Variants in GREB1 observed in about 807,000 individuals in gnomAD.
GREB1 encodes the protein protein GREB1.
GREB1 carries 106 observed loss-of-function variants against 200.7 expected under a neutral mutation model. The ratio of observed to expected loss-of-function variants is 0.53; its 90% CI spans 0.45 to 0.62. The LOEUF (loss-of-function observed/expected upper bound fraction) is 0.62. Among genes scored for constraint, GREB1 ranks in the 20% least tolerant of loss-of-function variants. GREB1 has a pLI of 0.00. For missense variants in GREB1, 2,243 were observed against 2,556.8 expected, an observed-to-expected ratio of 0.88 and a Z score of 2.65; for synonymous variants, 1,132 against 1,092.4, an observed-to-expected ratio of 1.04 and a Z score of -0.72.
chr2:11,542,235 T>C (rs1038384458), intron 1 of GREB1, among the ~76,000 whole-genome samples: 14 of 152,150 alleles, frequency 9.2e-5, no homozygotes, highest in African/African-American at 2.9e-4. Flanking sequence ...GGAAAGTTCT[T>C]TGCTTCTCAC....
At position 11,500,220 on chromosome 2, in the gene GREB1, G is replaced by GGT. The variant is rs545324528; in HGVS notation, c.-159+17843_-159+17844dup. 8.7e-4 allele frequency among the ~76,000 whole-genome samples: 133 copies of GGT among 152,308 alleles called. 1 individual carries two copies. The highest frequency in any genetic ancestry group is 3.1e-3 in the African/African-American group (127 of 41,566). On this transcript the variant is annotated intron_variant, in intron 1 of 2. Coordinates refer to the GREB1 transcript ENST00000628795. ...GCTGTTGCCCAGGCTGGAGTGCAGT[G>GGT]GTGTGATCTCGGCTTACCGCAACCT...
rs959270825 is a variant in GREB1 at position 11,562,737 on chromosome 2, G to A, written c.277+155G>A. The A allele has an allele frequency of 2.4e-5, 20 of 838,492 alleles. No homozygotes were observed. In the South Asian group the frequency reaches 2.8e-4, roughly 12 times the overall value. 51.9% of individuals were successfully genotyped at this position (838,492 alleles called of 1,614,324 possible). ...AGGTGTGAGCCATGCCCCTGGGCCC[G>A]CAGCAGGTGCTGGCCCGGCCTGCCC... On this transcript the variant is annotated intron_variant, in intron 3 of 32. Coordinates refer to ENST00000381486, the MANE Select transcript of GREB1 (RefSeq NM_014668.4).
At chr2:11,496,371 A>C (rs1355198339) in intron 1 of GREB1, among the ~76,000 whole-genome samples, 1 of 152,218 alleles carries the variant, frequency 6.6e-6, no homozygotes. Flanking sequence ...GGTCATTTAC[A>C]TGAGTGAAAA....
At position 11,615,200 on chromosome 2, in the gene GREB1, T is replaced by C; in HGVS notation, c.3232T>C (p.Leu1078=). Residue 1078 remains leucine, a synonymous_variant, in exon 20 of 33, where the codon TTG becomes CTG. Coordinates refer to ENST00000381486, the MANE Select transcript of GREB1 (RefSeq NM_014668.4). ...CTACTTTGTGAGCAACGAGGTTCCC[T>C]TGGAGAAGGGGGCTAGGAACGAGGC... ...AAYFVSNEVP[L]EKGARNEALE... 1.4e-5 allele frequency: 22 copies of C among 1,614,062 alleles called. No homozygotes were observed. The highest frequency in any genetic ancestry group is 1.9e-5 in the Non-Finnish European group (22 of 1,179,984).
At chr2:11,490,943 C>T (rs1196796255) in intron 1 of GREB1, among the ~76,000 whole-genome samples, 1 of 152,170 alleles carries the variant, frequency 6.6e-6, no homozygotes, top group African/African-American at 2.4e-5. Context: ...GAGGAACTGC[C>T]AAGCTGATTT....
chr2:11,547,299 G>T (rs1165663294), intron 1 of GREB1, among the ~76,000 whole-genome samples: 2 of 152,212 alleles, frequency 1.3e-5, no homozygotes, highest in African/African-American at 4.8e-5. Flanking sequence ...TTGGAGATCG[G>T]CTTTTAATTC....
intron 1 of GREB1, among the ~76,000 whole-genome samples, chr2:11,553,643 G>A (rs1676150018): frequency 6.6e-6 from 1 of 151,836 alleles, no homozygotes; most frequent in Admixed American, 6.6e-5. Context: ...TATAAAATGG[G>A]CTTCATCATA....
chr2:11,588,253 C>G, intron 9 of GREB1: 14 of 1,019,442 alleles, frequency 1.4e-5, no homozygotes, highest in Non-Finnish European at 1.7e-5. Context: ...ATGACTCAGT[C>G]TTCTGGTCTC....
At position 11,633,006 on chromosome 2, in the gene GREB1, A is replaced by G; in HGVS notation, c.4934A>G (p.Asp1645Gly). ...ATCTGGCCTTTCATTGTGATCTCTGATGACTCCTGCGTGATGTGGAACGTG... is the reference window on the plus strand; with the variant it reads ...ATCTGGCCTTTCATTGTGATCTCTGGTGACTCCTGCGTGATGTGGAACGTG... Reference protein sequence around the residue: ...QDIWPFIVISDDSCVMWNVVD... With the variant: ...QDIWPFIVISGDSCVMWNVVD... Residue 1645 changes from aspartate to glycine, a missense_variant, in exon 28 of 33, where the codon GAT becomes GGT. Physicochemically the swap from Asp to Gly is moderately conservative, Grantham distance 94 (BLOSUM62 -1). This residue lies in a region of GREB1 where 478 missense variants were observed against 616.3 expected (regional missense o/e 0.78). Transcript: ENST00000381486. The surrounding 1 kb of genome is among the most constrained non-coding windows in gnomAD (Gnocchi z 4.1). 5.6e-6 allele frequency: 9 copies of G among 1,614,184 alleles called. No individual in the cohort carries two copies. Among genetic ancestry groups the G allele is most frequent in the Non-Finnish European group, 4.2e-6 (5 of 1,180,024 alleles).
At chr2:11,549,651 AG>A (rs1675618907) in intron 1 of GREB1, among the ~76,000 whole-genome samples, 1 of 152,146 alleles carries the variant, frequency 6.6e-6, no homozygotes, top group African/African-American at 2.4e-5. Context: ...CTTCTAGTAA[AG>A]TTTAAATTTC....
At chr2:11,495,212 GCTGT>G (rs1223464235) in intron 1 of GREB1, among the ~76,000 whole-genome samples, 3 of 152,198 alleles carry the variant, frequency 2.0e-5, no homozygotes, top group African/African-American at 7.2e-5. Context: ...ACCACCAGCT[GCTGT>G]CATTCACTAA....
chr2:11,501,895 G>GTTTTTTTTTTGTTT (rs148843809), intron 1 of GREB1, among the ~76,000 whole-genome samples: 1 of 45,560 alleles, frequency 2.2e-5, no homozygotes, highest in Non-Finnish European at 3.8e-5. Context: ...TGGATTTCCT[G>GTTTTTTTTTTGTTT]TTTTTTTTTG....
At chr2:11,533,151 G>A (rs998115633), upstream of GREB1, among the ~76,000 whole-genome samples, 2 of 152,202 alleles carry the variant, frequency 1.3e-5, no homozygotes, top group Non-Finnish European at 2.9e-5. Flanking sequence ...AAGAGGTTTT[G>A]CACATCCCAA....
chr2:11,628,742 G>A (rs1246235323), intron 25 of GREB1, among the ~76,000 whole-genome samples: 1 of 152,162 alleles, frequency 6.6e-6, no homozygotes, highest in African/African-American at 2.4e-5. Context: ...AGTGTCAGGA[G>A]TGGGTAGTGC....
At chr2:11,522,048 T>C (rs80126221) in intron 1 of GREB1, among the ~76,000 whole-genome samples, 9,779 of 152,248 alleles carry the variant, frequency 0.064, 1,076 homozygotes, top group African/African-American at 0.22. Context: ...TTGTGCCTGG[T>C]AGACGAAGAG....
intron 1 of GREB1, among the ~76,000 whole-genome samples, chr2:11,549,362 C>T (rs1014306133): frequency 3.9e-5 from 6 of 152,008 alleles, no homozygotes; most frequent in Non-Finnish European, 7.4e-5. Context: ...TCCTCGGTAA[C>T]GTCTCAGTTG....
chr2:11,612,793 G>A (rs3816096), intron 19 of GREB1, among the ~76,000 whole-genome samples, 183 bp downstream of exon 19: 90,701 of 152,138 alleles, frequency 0.6, 30,447 homozygotes, highest in South Asian at 0.79. Flanking sequence ...TCTGAGGCCC[G>A]TGCCCCTTCT....
In GREB1 at chr2:11,619,862, T is replaced by C. The variant is rs184232103; in HGVS notation, c.4044+943T>C. On this transcript the variant is annotated intron_variant, in intron 22 of 32. Coordinates refer to ENST00000381486, the MANE Select transcript of GREB1 (RefSeq NM_014668.4). ...GAAGCTTCCCTGTGGTTGGGTGTCATATTTTCCTCTGTAAAGTTAGTTATT... is the reference window on the plus strand; with the variant it reads ...GAAGCTTCCCTGTGGTTGGGTGTCACATTTTCCTCTGTAAAGTTAGTTATT... Among the ~76,000 whole-genome samples the C allele has an allele frequency of 4.2e-3, 637 of 152,328 alleles. 4 individuals are homozygous for C. The highest frequency in any genetic ancestry group is 8.2e-3 in the Non-Finnish European group (556 of 67,996).
intron 4 of GREB1, among the ~76,000 whole-genome samples, chr2:11,574,285 A>G (rs1191324808): frequency 6.6e-6 from 1 of 152,244 alleles, no homozygotes; most frequent in Non-Finnish European, 1.5e-5. Context: ...GCGAGCTTAG[A>G]GGAATAATGA....
Sources: gnomAD v4.1 joint callset for allele counts (sites outside exome capture counted in the v4.1 genomes callset) on GRCh38, gnomAD v4.1.1 for gene constraint, gnomAD v4.1.1 regional missense constraint, Gnocchi (gnomAD v3.1) non-coding constraint, MANE v1.5 for transcripts, NCBI Gene and HGNC (gene_info 2026-07-23, HGNC 2026-07-21) for gene names.